Variants in C7 observed in about 807,000 individuals in gnomAD.
C7 encodes the protein complement component C7.
A neutral mutation model predicts 104.8 loss-of-function variants in C7; 83 were observed. The ratio of observed to expected loss-of-function variants is 0.79; its 90% CI spans 0.66 to 0.95. The LOEUF is 0.95. Among genes scored for constraint, C7 ranks in the 40% least tolerant of loss-of-function variants. The probability of loss-of-function intolerance (pLI) is 0.00; values close to 1 mark genes in which losing one functional copy is unlikely to be tolerated. For missense variants in C7, 1,070 were observed against 1,011.2 expected (o/e 1.06, Z -0.79); for synonymous variants, 415 against 360.6 (o/e 1.15, Z -1.71).
chr5:40,944,270 A>G (rs1740001243), intron 6 of C7, among the ~76,000 whole-genome samples: 1 of 152,250 alleles, frequency 6.6e-6, no homozygotes, highest in African/African-American at 2.4e-5. Flanking sequence ...GATTTGTTTC[A>G]TTCCCACAGG....
At chr5:40,940,935 G>T (rs1693869420) in intron 6 of C7, among the ~76,000 whole-genome samples, 1 of 151,800 alleles carries the variant, frequency 6.6e-6, no homozygotes, top group Non-Finnish European at 1.5e-5. Flanking sequence ...ATTTTATATA[G>T]TATATATATG....
At chr5:40,961,343 T>C (rs180701676) in intron 12 of C7, among the ~76,000 whole-genome samples, 77 of 152,246 alleles carry the variant, frequency 5.1e-4, no homozygotes, top group Non-Finnish European at 9.0e-4. Flanking sequence ...GTAGTTATAA[T>C]TTTGTGTTAC....
chr5:40,955,354 C>A (rs761004596), intron 9 of C7, 33 bp from the exon 10 acceptor site: 1 of 1,556,928 alleles, frequency 6.4e-7, no homozygotes, highest in South Asian at 1.3e-5. Context: ...ACTTGATAGA[C>A]TTTTCACTTT....
rs372988180 is a variant in C7, at chr5:40,981,504, C to A, written c.2463C>A (p.Gly821=). 1.9e-6 allele frequency: 3 copies of A among 1,613,648 alleles called. No homozygotes were observed. Among genetic ancestry groups the A allele is most frequent in the Non-Finnish European group, 2.5e-6 (3 of 1,179,746 alleles). The change falls in exon 18 of 18, where the codon GGC becomes GGA. Residue 821 remains glycine (G), a synonymous_variant. Transcript: ENST00000313164. ...AGACGATGTCTGAGTGTGAGGCGGG[C>A]GCTCTGAGATGCAGAGGGCAGAGCA... The part of the protein sequence containing the change: ...KEQTMSECEA[G]ALRCRGQSIS...
At chr5:40,953,544 G>A (rs1278903280) in intron 9 of C7, among the ~76,000 whole-genome samples, 1 of 150,026 alleles carries the variant, frequency 6.7e-6, no homozygotes, top group Non-Finnish European at 1.5e-5. Flanking sequence ...GGGAGGCTGA[G>A]GCAGGAGAAT....
In C7 at chr5:40,983,320, G is replaced by A. The variant is rs1368604846; in HGVS notation, c.*1747G>A. 6.6e-6 allele frequency among the ~76,000 whole-genome samples: 1 copy of A among 152,200 alleles called. No individual in the cohort carries two copies. The highest frequency in any genetic ancestry group is 1.5e-5 in the Non-Finnish European group (1 of 68,042). ...TCCTCTTAGCTTAAGCTAGTATGGA[G>A]TTAGATTCCTACCGCTTATGTATCA... On this transcript the variant is annotated 3_prime_UTR_variant, in exon 18 of 18. Coordinates refer to ENST00000313164, the MANE Select transcript of C7 (RefSeq NM_000587.4).
At chr5:40,931,041 T>A (rs772462732) in intron 2 of C7, 23 bp from the exon 3 acceptor site, 19 of 1,557,600 alleles carry the variant, frequency 1.2e-5, no homozygotes, top group Non-Finnish European at 1.5e-5. Context: ...TGCTTTATGA[T>A]GGACAATTTG....
rs778955376 is a variant in C7, at chr5:40,945,383, T to C, written c.738+15T>C. On this transcript the variant is annotated intron_variant, in intron 7 of 17. Coordinates refer to ENST00000313164, the MANE Select transcript of C7 (RefSeq NM_000587.4). ...ATAAAGGAAAGGTTAGTATAAAATG[T>C]CAGTTAACTTTTCCATGTTTTACTT... The C allele has an allele frequency of 2.0e-6, 3 of 1,536,454 alleles. No homozygotes were observed. In the Admixed American group the frequency reaches 6.7e-5, roughly 34 times the overall value.
At chr5:40,968,491 TCTC>T (rs1227346664) in intron 14 of C7, among the ~76,000 whole-genome samples, 2 of 149,780 alleles carry the variant, frequency 1.3e-5, no homozygotes, top group East Asian at 3.9e-4. Flanking sequence ...TTCTGTATAA[TCTC>T]CTTTTAAGAA....
At chr5:40,917,384 A>G (rs1315592308) in intron 1 of C7, among the ~76,000 whole-genome samples, 1 of 152,092 alleles carries the variant, frequency 6.6e-6, no homozygotes, top group Non-Finnish European at 1.5e-5. Flanking sequence ...TGAATGTTTT[A>G]TTTCTGCTTG....
intron 15 of C7, among the ~76,000 whole-genome samples, chr5:40,973,429 A>G (rs1316914577): frequency 6.6e-6 from 1 of 152,216 alleles, no homozygotes; most frequent in Admixed American, 6.5e-5. Context: ...AATAGTGAGG[A>G]TGAAGTACTA....
Position 40,947,806 on chromosome 5 carries a change from G to A in C7, c.943G>A (p.Val315Ile), listed in dbSNP as rs374639013. The A allele has an allele frequency of 9.1e-5, 147 of 1,612,912 alleles. 1 individual carries two copies. The African/African-American group carries it at 1.6e-3, about 18-fold the overall frequency. Residue 315 changes from valine to isoleucine, a missense_variant, in exon 8 of 18, where the codon GTT (valine) becomes ATT (isoleucine). Physicochemically the swap from Val to Ile is conservative, Grantham distance 29 (BLOSUM62 3). Coordinates refer to ENST00000313164, the MANE Select transcript of C7 (RefSeq NM_000587.4). Reference sequence around the variant, plus strand: ...TGGGTCGTTAGGAGGAGAATACAGAGTTCTATTTTATGTGGACTCAGAAAA... The same window carrying A: ...TGGGTCGTTAGGAGGAGAATACAGAATTCTATTTTATGTGGACTCAGAAAA... ...QSGSLGGEYR[V>I]LFYVDSEKLK...
chr5:40,947,752 G>C lies in C7; in HGVS notation c.889G>C (p.Asp297His). 1 of 1,613,598 alleles carries C rather than the reference G, an allele frequency of 6.2e-7. No homozygotes were observed. The highest frequency in any genetic ancestry group is 8.5e-7 in the Non-Finnish European group (1 of 1,179,724). ...CTACAGTGCCTACCGAAGATTAATC[G>C]ACCAGTACGGGACACATTATCTGCA... ...YDYSAYRRLI[D>H]QYGTHYLQSG... The change falls in exon 8 of 18, where the codon GAC becomes CAC. Residue 297 changes from aspartate (D) to histidine (H), a missense_variant. By Grantham distance (81) the Asp-to-His change is moderately conservative. Coordinates refer to ENST00000313164, the MANE Select transcript of C7 (RefSeq NM_000587.4).
In C7 at chr5:40,981,649, G is replaced by T; in HGVS notation, c.*76G>T. ...CTGAGTGAAAACATCTGCACAACTG[G>T]GCACTGGACAGCTTTTCCTTCTTCT... On this transcript the variant is annotated 3_prime_UTR_variant, in exon 18 of 18. Coordinates refer to ENST00000313164, the MANE Select transcript of C7 (RefSeq NM_000587.4). 8.0e-7 allele frequency: 1 copy of T among 1,257,752 alleles called. No homozygotes were observed. 77.9% of individuals were successfully genotyped at this position (1,257,752 alleles called of 1,614,324 possible).
In C7 at chr5:40,937,547, A is replaced by G. The variant is rs1174483063; in HGVS notation, c.429-5A>G. ...TCCTCCTTCTCCTCCTCCTCCTTTT[A>G]ACAGTTACAATGAACTCACTGGCCA... On this transcript the variant is annotated splice_region_variant and splice_polypyrimidine_tract_variant and intron_variant, in intron 5 of 17. Transcript: ENST00000313164. 1.9e-6 allele frequency: 3 copies of G among 1,594,512 alleles called. No homozygotes were observed. The African/African-American group carries it at 4.1e-5, about 22-fold the overall frequency.
intron 6 of C7, among the ~76,000 whole-genome samples, chr5:40,941,136 T>G (rs1419980904): frequency 6.6e-6 from 1 of 151,248 alleles, no homozygotes. Context: ...TGATCTCGGC[T>G]CACTGCAACC....
intron 13 of C7, among the ~76,000 whole-genome samples, chr5:40,964,020 C>CTTTTTTTTTTTTTT (rs869250524): frequency 2.5e-5 from 1 of 39,862 alleles, no homozygotes; most frequent in Non-Finnish European, 5.9e-5. Context: ...GCTCATAATA[C>CTTTTTTTTTTTTTT]TTTTTTTTTT....
chr5:40,945,059 G>T, intron 6 of C7, 139 bp from the exon 7 acceptor site: 2 of 570,862 alleles, frequency 3.5e-6, no homozygotes, highest in Non-Finnish European at 6.2e-6. Flanking sequence ...AATCATACTG[G>T]CCTGGTCTTA....
At chr5:40,919,855 CG>C (rs1739403582) in intron 1 of C7, among the ~76,000 whole-genome samples, 1 of 151,472 alleles carries the variant, frequency 6.6e-6, no homozygotes, top group Non-Finnish European at 1.5e-5. Context: ...CAAAGAGGAA[CG>C]TTTATAACAA....
Sources: allele counts gnomAD v4.1 joint callset (sites outside exome capture counted in the v4.1 genomes callset), GRCh38; gene constraint gnomAD v4.1.1; transcripts MANE v1.5; gene names NCBI Gene and HGNC (gene_info 2026-07-23, HGNC 2026-07-21).